ZBTB40: variants seen among roughly 807,000 people sequenced by gnomAD.
ZBTB40 encodes zinc finger and BTB domain containing 40, also known as zinc finger and BTB domain-containing protein 40.
ZBTB40 carries 60 observed loss-of-function variants against 117.5 expected under a neutral mutation model. The ratio of observed to expected loss-of-function variants is 0.51; its 90% CI spans 0.41 to 0.63. The LOEUF (loss-of-function observed/expected upper bound fraction) is 0.63. ZBTB40 is among the 30% of genes least tolerant of loss of function. The probability of loss-of-function intolerance (pLI) is 0.00; values close to 1 mark genes in which losing one functional copy is unlikely to be tolerated. For missense variants in ZBTB40, 1,287 were observed against 1,498.5 expected, an observed-to-expected ratio of 0.86 and a Z score of 2.33; for synonymous variants, 525 against 577.1, an observed-to-expected ratio of 0.91 and a Z score of 1.29.
intron 1 of ZBTB40, among the ~76,000 whole-genome samples, chr1:22,484,969 C>G (rs193226162): frequency 5.9e-5 from 9 of 152,294 alleles, no homozygotes; most frequent in African/African-American, 2.2e-4. Context: ...GAATGTTGAA[C>G]CAGCCTTGCA....
chr1:22,508,831 T>C (rs922107063), intron 8 of ZBTB40, 100 bp downstream of exon 8: 1 of 1,275,272 alleles, frequency 7.8e-7, no homozygotes, highest in South Asian at 1.3e-5. Context: ...GTCACCTACA[T>C]CCCTACTATT....
chr1:22,434,632 T>C (rs950459217), intron 1 of ZBTB40, among the ~76,000 whole-genome samples: 2 of 152,184 alleles, frequency 1.3e-5, no homozygotes, highest in African/African-American at 2.4e-5. Context: ...AAACTTCTTT[T>C]TCAAATTATT....
chr1:22,490,650 C>T lies in ZBTB40; in HGVS notation c.697+5C>T, dbSNP rs1167323118. On this transcript the variant is annotated splice_donor_5th_base_variant and intron_variant, in intron 2 of 17. Transcript: ENST00000375647. ...AGAAGACAAGCACAGAACCAGGTAACAGTCATTGTTTTATATTCCATCCTT... is the reference window on the plus strand; with the variant it reads ...AGAAGACAAGCACAGAACCAGGTAATAGTCATTGTTTTATATTCCATCCTT... The T allele has an allele frequency of 1.9e-6, 3 of 1,612,242 alleles. No individual in the cohort carries two copies. The Admixed American group carries it at 5.0e-5, about 27-fold the overall frequency.
At chr1:22,458,723 A>T (rs1641062010) in intron 1 of ZBTB40, among the ~76,000 whole-genome samples, 1 of 152,178 alleles carries the variant, frequency 6.6e-6, no homozygotes, top group African/African-American at 2.4e-5. Flanking sequence ...TAAAAAATTA[A>T]TTAATTTTGA....
At chr1:22,502,559 C>A in intron 5 of ZBTB40, 118 bp downstream of exon 5, 1 of 1,372,870 alleles carries the variant, frequency 7.3e-7, no homozygotes, top group Non-Finnish European at 1.0e-6. Flanking sequence ...GCATAGTAAG[C>A]ATCTCGAAGT....
chr1:22,492,960 C>G (rs1285137741), intron 3 of ZBTB40, among the ~76,000 whole-genome samples: 1 of 152,218 alleles, frequency 6.6e-6, no homozygotes, highest in Non-Finnish European at 1.5e-5. Flanking sequence ...AGCTTCCTCT[C>G]CACTTAACTT....
At chr1:22,520,040 A>C (rs28716461) in intron 13 of ZBTB40, 21 bp from the exon 14 acceptor site, 1 of 1,610,592 alleles carries the variant, frequency 6.2e-7, no homozygotes, top group South Asian at 1.1e-5. Context: ...TCTTCCTCTC[A>C]TGGATGTCCC....
chr1:22,506,007 A>AT (rs1343871311), intron 5 of ZBTB40, 42 bp from the exon 6 acceptor site: 2 of 1,609,554 alleles, frequency 1.2e-6, no homozygotes, highest in Non-Finnish European at 1.7e-6. Flanking sequence ...TAAATGTTGA[A>AT]TTGCCAGTAA....
rs118190097 is a variant in ZBTB40 at position 22,504,543 on chromosome 1, T to C, written c.1168-1506T>C. ...AGACACAGCTGTTTGGGGCTGGTAA[T>C]AAGAATTAGACTTCTAATCCAAGCA... On this transcript the variant is annotated intron_variant, in intron 5 of 17. Transcript: ENST00000375647. Among the ~76,000 whole-genome samples the C allele has an allele frequency of 9.2e-4, 140 of 152,310 alleles. 3 individuals carry two copies. The East Asian group carries it at 0.024, about 26-fold the overall frequency.
chr1:22,476,774 C>T (rs547342825), intron 1 of ZBTB40, among the ~76,000 whole-genome samples: 1 of 152,300 alleles, frequency 6.6e-6, no homozygotes, highest in South Asian at 2.1e-4. Context: ...TTCTGGTACT[C>T]TTCTGTTGCT....
chr1:22,453,104 T>C (rs1308269703), intron 1 of ZBTB40, among the ~76,000 whole-genome samples: 1 of 152,218 alleles, frequency 6.6e-6, no homozygotes, highest in Non-Finnish European at 1.5e-5. Flanking sequence ...ATTTTATTCT[T>C]TCAAGTCTTT....
Position 22,526,651 on chromosome 1 carries a change from C to G in ZBTB40, c.*255C>G. 2.1e-6 allele frequency: 1 copy of G among 479,156 alleles called. No homozygotes were observed. Among genetic ancestry groups the G allele is most frequent in the Non-Finnish European group, 3.9e-6 (1 of 259,350 alleles). 29.7% of individuals were successfully genotyped at this position (479,156 alleles called of 1,614,324 possible). A position where few individuals can be genotyped will look rare whatever the true frequency, so the allele number is the denominator to read the frequency against. On this transcript the variant is annotated 3_prime_UTR_variant, in exon 18 of 18. Coordinates refer to ENST00000375647, the MANE Select transcript of ZBTB40 (RefSeq NM_014870.4). Reference sequence around the variant, plus strand: ...CTCCCCACAGGCCCGCTGCTGCGGCCTCTATGACACTGTCCATCCCCAAGT... The same window carrying G: ...CTCCCCACAGGCCCGCTGCTGCGGCGTCTATGACACTGTCCATCCCCAAGT...
rs932800928 is a variant in ZBTB40, at chr1:22,528,542, T to A, written c.*2146T>A. The stretch of plus-strand genomic sequence containing the variant: ...GAGAAATTCTTTCTCAGGTTTCTTT[T>A]TTTGGGGGAGACAGGGTCTTGCTCT... On this transcript the variant is annotated 3_prime_UTR_variant, in exon 18 of 18. Transcript: ENST00000375647. 4 of 152,294 alleles carry A rather than the reference T, an allele frequency of 2.6e-5. No homozygotes were observed. The highest frequency in any genetic ancestry group is 3.2e-3 in the Middle Eastern group (1 of 316). 9.4% of individuals were successfully genotyped at this position (152,294 alleles called of 1,614,324 possible). A position where few individuals can be genotyped will look rare whatever the true frequency, so the allele number is the denominator to read the frequency against.
intron 1 of ZBTB40, among the ~76,000 whole-genome samples, chr1:22,484,715 G>C (rs758875021): frequency 5.3e-5 from 8 of 152,188 alleles, no homozygotes; most frequent in Non-Finnish European, 8.8e-5. Context: ...TCCCAGCCTT[G>C]TTTATAATCC....
intron 12 of ZBTB40, 107 bp from the exon 13 acceptor site, chr1:22,517,193 A>G (rs974820389): frequency 6.6e-7 from 1 of 1,507,060 alleles, no homozygotes; most frequent in Non-Finnish European, 9.1e-7. Flanking sequence ...TTTTAATGTC[A>G]TCTACCAGAT....
chr1:22,431,748 A>T (rs7523726), intron 1 of ZBTB40, among the ~76,000 whole-genome samples: 20 of 150,482 alleles, frequency 1.3e-4, no homozygotes, highest in African/African-American at 4.4e-4. Context: ...AAAAAAAAAA[A>T]TTTTTGCTGA....
chr1:22,501,834 A>T, intron 4 of ZBTB40, 150 bp downstream of exon 4: 2 of 902,078 alleles, frequency 2.2e-6, no homozygotes, highest in Admixed American at 4.0e-5. Context: ...CTGCATGTTA[A>T]ATATACACCA....
chr1:22,452,186 C>T (rs957596911), intron 1 of ZBTB40, among the ~76,000 whole-genome samples, 182 bp downstream of exon 1: 4 of 152,168 alleles, frequency 2.6e-5, no homozygotes, highest in African/African-American at 9.7e-5. Flanking sequence ...GGTCCGCACC[C>T]CTGGCGCCGG....
At chr1:22,444,703 T>C (rs1385145698) in intron 1 of ZBTB40, among the ~76,000 whole-genome samples, 1 of 152,216 alleles carries the variant, frequency 6.6e-6, no homozygotes, top group Non-Finnish European at 1.5e-5. Context: ...GGCAGGCCAC[T>C]GCTCATGCAG....
Sources: allele counts gnomAD v4.1 joint callset (sites outside exome capture counted in the v4.1 genomes callset), GRCh38; gene constraint gnomAD v4.1.1; transcripts MANE v1.5; gene names NCBI Gene and HGNC (gene_info 2026-07-23, HGNC 2026-07-21).